Variants in RBMS3 observed in about 807,000 individuals in gnomAD.
RBMS3 encodes RNA binding motif single stranded interacting protein 3.
Under a neutral mutation model 66.8 loss-of-function variants are expected in RBMS3, and 27 were observed. That is an observed-to-expected ratio of 0.40 (90% CI 0.30 to 0.56). The LOEUF (loss-of-function observed/expected upper bound fraction) is 0.56, where lower values mean the gene tolerates loss of function less well. Among genes scored for constraint, RBMS3 ranks in the 20% least tolerant of loss-of-function variants. RBMS3 has a pLI of 0.40. For missense variants in RBMS3, 513 were observed against 549.5 expected (o/e 0.93, Z 0.66); for synonymous variants, 188 against 183.0 (o/e 1.03, Z -0.22).
chr3:29,649,238 G>A (rs768130090), intron 4 of RBMS3, among the ~76,000 whole-genome samples: 5 of 152,040 alleles, frequency 3.3e-5, no homozygotes, highest in Non-Finnish European at 5.9e-5. Context: ...GAAAAGATGA[G>A]TCTCCTTCTC....
At chr3:29,951,957 T>C (rs1028144962) in intron 12 of RBMS3, among the ~76,000 whole-genome samples, 2 of 151,806 alleles carry the variant, frequency 1.3e-5, no homozygotes, top group Non-Finnish European at 2.9e-5. Flanking sequence ...TATTATCATA[T>C]GTGTTTTCAA....
At chr3:29,827,618 T>G (rs961660508) in intron 6 of RBMS3, among the ~76,000 whole-genome samples, 1 of 152,182 alleles carries the variant, frequency 6.6e-6, no homozygotes. Context: ...AATCAGAGAC[T>G]GTCCCTCAAT....
chr3:29,488,264 C>T (rs567417901), intron 2 of RBMS3, among the ~76,000 whole-genome samples, 177 bp from the exon 3 acceptor site: 1 of 152,242 alleles, frequency 6.6e-6, no homozygotes, highest in South Asian at 2.1e-4. Flanking sequence ...AAGAACATTC[C>T]TAAGTTATAA....
rs141606094 is a variant in RBMS3, at chr3:29,910,796, GTGTT to G, written c.939+11045_939+11048del. ...GTATATGTATATAATTTTCATGTGTGTGTTTGTGTATGGCGTGTACGGATTAATC... is the reference window on the plus strand; with the variant it reads ...GTATATGTATATAATTTTCATGTGTGTGTGTATGGCGTGTACGGATTAATC... On this transcript the variant is annotated intron_variant, in intron 10 of 14. Transcript: ENST00000383767. 5.7e-3 allele frequency among the ~76,000 whole-genome samples: 872 copies of G among 151,664 alleles called. 3 individuals are homozygous for G. Among genetic ancestry groups the G allele is most frequent in the African/African-American group, 0.02 (832 of 41,274 alleles).
chr3:29,730,986 C>G, intron 4 of RBMS3: 7 of 985,408 alleles, frequency 7.1e-6, no homozygotes, highest in Non-Finnish European at 8.4e-6. Flanking sequence ...GAGATCCAAT[C>G]TGGCCACCTG....
chr3:29,959,710 T>G (rs1418846723), intron 12 of RBMS3, among the ~76,000 whole-genome samples: 3 of 152,050 alleles, frequency 2.0e-5, no homozygotes, highest in Admixed American at 6.6e-5. Flanking sequence ...CTCAGGAAAC[T>G]TACAATCGTG....
chr3:29,920,581 T>C (rs929341903), intron 10 of RBMS3, among the ~76,000 whole-genome samples: 2 of 152,188 alleles, frequency 1.3e-5, no homozygotes, highest in Non-Finnish European at 2.9e-5. Flanking sequence ...CATCATTTCA[T>C]ATTTGGATAT....
intron 1 of RBMS3, among the ~76,000 whole-genome samples, chr3:29,359,671 G>T (rs561915165): frequency 2.6e-5 from 4 of 152,192 alleles, no homozygotes; most frequent in East Asian, 1.9e-4. Context: ...GAATCCATCT[G>T]GTCCTGGACT....
At chr3:29,742,418 A>G (rs750574195) in intron 5 of RBMS3, among the ~76,000 whole-genome samples, 5 of 152,154 alleles carry the variant, frequency 3.3e-5, no homozygotes, top group Non-Finnish European at 5.9e-5. Context: ...CATTCTTGAT[A>G]TTGCTCGCCT....
chr3:29,868,640 A>T (rs2059416970), intron 6 of RBMS3, among the ~76,000 whole-genome samples: 1 of 152,172 alleles, frequency 6.6e-6, no homozygotes, highest in Admixed American at 6.6e-5. Flanking sequence ...TTTCAACAAT[A>T]TTTGTTATAT....
intron 4 of RBMS3, among the ~76,000 whole-genome samples, chr3:29,661,443 A>AT (rs998459415): frequency 1.3e-5 from 2 of 152,012 alleles, no homozygotes; most frequent in East Asian, 1.9e-4. Flanking sequence ...TTTGTATAGT[A>AT]TTTTTTTGCC....
intron 4 of RBMS3, among the ~76,000 whole-genome samples, chr3:29,593,738 G>T (rs9835594): frequency 0.15 from 22,638 of 152,122 alleles, 1,939 homozygotes; most frequent in East Asian, 0.32. Context: ...TCCTACTTTC[G>T]CAACACATTT....
chr3:29,536,778 A>G (rs2045571970), intron 3 of RBMS3, among the ~76,000 whole-genome samples: 1 of 152,218 alleles, frequency 6.6e-6, no homozygotes, highest in Admixed American at 6.5e-5. Context: ...AAGAAAATGA[A>G]TTGTCACATT....
chr3:29,853,570 C>T (rs1439631308), intron 6 of RBMS3, among the ~76,000 whole-genome samples: 4 of 151,928 alleles, frequency 2.6e-5, no homozygotes, highest in African/African-American at 7.3e-5. Context: ...TCCCCCTGTG[C>T]TCTCAGGCGA....
At chr3:29,794,468 C>T (rs1226508429) in intron 6 of RBMS3, among the ~76,000 whole-genome samples, 12 of 152,090 alleles carry the variant, frequency 7.9e-5, no homozygotes, top group Admixed American at 5.9e-4. Flanking sequence ...CGCCTGTAGT[C>T]CCAGCTACTC....
intron 1 of RBMS3, among the ~76,000 whole-genome samples, chr3:29,391,595 A>G (rs1043987853): frequency 3.9e-5 from 6 of 152,204 alleles, no homozygotes; most frequent in African/African-American, 1.4e-4. Context: ...CTATAAGCTG[A>G]GAGTATTCCT....
At chr3:29,938,497 G>A (rs970138630) in intron 11 of RBMS3, among the ~76,000 whole-genome samples, 2 of 151,938 alleles carry the variant, frequency 1.3e-5, no homozygotes, top group Non-Finnish European at 2.9e-5. Context: ...AGAAGAGGTA[G>A]AGAGAAAACA....
At chr3:29,777,548 A>G (rs1179301930) in intron 6 of RBMS3, among the ~76,000 whole-genome samples, 1 of 151,886 alleles carries the variant, frequency 6.6e-6, no homozygotes, top group East Asian at 1.9e-4. Context: ...TTTTTGGTAC[A>G]TTTTAAAACA....
chr3:29,488,832 C>T (rs1379213081), intron 3 of RBMS3, among the ~76,000 whole-genome samples: 2 of 152,174 alleles, frequency 1.3e-5, no homozygotes, highest in African/African-American at 4.8e-5. Flanking sequence ...ATGAGGAACT[C>T]TGGGGAAAAC....
Sources: allele counts gnomAD v4.1 joint callset (sites outside exome capture counted in the v4.1 genomes callset), GRCh38; gene constraint gnomAD v4.1.1; transcripts MANE v1.5; gene names NCBI Gene and HGNC (gene_info 2026-07-23, HGNC 2026-07-21).